Variants in IRAK1BP1 observed in about 807,000 individuals in gnomAD.
IRAK1BP1 encodes the protein interleukin 1 receptor associated kinase 1 binding protein 1.
Under a neutral mutation model 28.0 loss-of-function variants are expected in IRAK1BP1, and 24 were observed. That is an observed-to-expected ratio of 0.86 (90% CI 0.62 to 1.20). IRAK1BP1 has a LOEUF of 1.20. IRAK1BP1 is among the 50% of genes most tolerant of loss of function. The probability of loss-of-function intolerance (pLI) is 0.00; values close to 1 mark genes in which losing one functional copy is unlikely to be tolerated. For synonymous variants in IRAK1BP1, 131 were observed against 116.3 expected (o/e 1.13, Z -0.81); for missense variants, 336 against 316.7 (o/e 1.06, Z -0.46).
intron 4 of IRAK1BP1, among the ~76,000 whole-genome samples, chr6:78,913,140 C>A (rs924110098): frequency 6.7e-6 from 1 of 150,264 alleles, no homozygotes; most frequent in African/African-American, 2.5e-5. Context: ...TCGAGACCAT[C>A]CTGGCTAACA....
intron 2 of IRAK1BP1, among the ~76,000 whole-genome samples, chr6:78,890,345 A>G (rs1395377642): frequency 6.6e-6 from 1 of 151,912 alleles, no homozygotes; most frequent in Non-Finnish European, 1.5e-5. Context: ...GATGCAGCAA[A>G]CCACCAGGGC....
At chr6:78,962,750 T>C in the IRAK1BP1 span, among the ~76,000 whole-genome samples, 1 of 152,178 alleles carries the variant, frequency 6.6e-6, no homozygotes, top group Non-Finnish European at 1.5e-5. Flanking sequence ...GCTACCCATA[T>C]AATTATAACT....
At chr6:78,978,114 T>A in the IRAK1BP1 span, among the ~76,000 whole-genome samples, 2 of 152,066 alleles carry the variant, frequency 1.3e-5, no homozygotes, top group Non-Finnish European at 2.9e-5. Flanking sequence ...CCTCAGTTTC[T>A]TAAAAATTAA....
chr6:78,913,398 C>T (rs1186605145), intron 4 of IRAK1BP1, among the ~76,000 whole-genome samples: 1 of 151,914 alleles, frequency 6.6e-6, no homozygotes, highest in Non-Finnish European at 1.5e-5. Context: ...GTAATCCCAA[C>T]ATTTTGGGAG....
chr6:78,953,042 G>GC, the IRAK1BP1 span, among the ~76,000 whole-genome samples: 3 of 143,874 alleles, frequency 2.1e-5, no homozygotes, highest in Non-Finnish European at 4.6e-5. Context: ...TATAGGTGTT[G>GC]TTTTTTTTTT....
chr6:78,927,348 G>T (rs1256168045), intron 4 of IRAK1BP1, among the ~76,000 whole-genome samples: 1 of 152,052 alleles, frequency 6.6e-6, no homozygotes, highest in Non-Finnish European at 1.5e-5. Flanking sequence ...TATGTCTTCT[G>T]AGAAATGTCT....
Position 78,945,760 on chromosome 6 carries a change from G to A in IRAK1BP1, c.*420G>A, listed in dbSNP as rs10943605. ...AATTGCTAGCTAGTGTGGGTACTGT[G>A]ATTTAAATTCAGGTAGTTTAGATCA... is the stretch of plus-strand genomic sequence containing the variant. On this transcript the variant is annotated 3_prime_UTR_variant and NMD_transcript_variant, in exon 5 of 5. Transcript: ENST00000606868. The A allele has an allele frequency of 0.49, 287,645 of 586,394 alleles. 72,579 individuals are homozygous for A. Among genetic ancestry groups the A allele is most frequent in the East Asian group, 0.67 (22,224 of 33,314 alleles). 36.3% of individuals were successfully genotyped at this position (586,394 alleles called of 1,614,324 possible).
chr6:78,890,271 G>A lies in IRAK1BP1; in HGVS notation c.381+4828G>A, dbSNP rs941720056. On this transcript the variant is annotated intron_variant, in intron 2 of 3. Transcript: ENST00000369940. ...AACATCACATACCAGGGCCTGTCAG[G>A]GGGTGGGGGGCTAGGGGAGGGATAG... Among the ~76,000 whole-genome samples, 9 of 151,850 alleles carry A rather than the reference G, an allele frequency of 5.9e-5. No homozygotes were observed. The East Asian group carries it at 1.8e-3, about 30-fold the overall frequency.
chr6:78,955,041 T>C, the IRAK1BP1 span: 3 of 1,014,592 alleles, frequency 3.0e-6, no homozygotes, highest in African/African-American at 3.3e-5. Flanking sequence ...TAGTCTTAGA[T>C]AATTGGGTAA....
intron 2 of IRAK1BP1, among the ~76,000 whole-genome samples, chr6:78,890,163 C>CTA (rs1771588764): frequency 6.6e-6 from 1 of 151,504 alleles, no homozygotes; most frequent in Non-Finnish European, 1.5e-5. Flanking sequence ...AGCACACTAA[C>CTA]ACAGGAACAG....
At chr6:78,882,091 G>A (rs966393258) in intron 1 of IRAK1BP1, among the ~76,000 whole-genome samples, 2 of 152,100 alleles carry the variant, frequency 1.3e-5, no homozygotes, top group African/African-American at 4.8e-5. Flanking sequence ...CCCAATAGCA[G>A]TGAGCAGTCT....
chr6:78,963,286 G>A, the IRAK1BP1 span: 2 of 1,547,640 alleles, frequency 1.3e-6, no homozygotes, highest in South Asian at 2.4e-5. Context: ...GCAAATACAT[G>A]GTAACTTATT....
At chr6:78,892,673 A>C (rs950404509) in intron 2 of IRAK1BP1, among the ~76,000 whole-genome samples, 1 of 152,188 alleles carries the variant, frequency 6.6e-6, no homozygotes, top group Non-Finnish European at 1.5e-5. Context: ...ATTAAAAGTT[A>C]TTTTGGCTGT....
chr6:78,893,505 A>G (rs900095182), intron 2 of IRAK1BP1, among the ~76,000 whole-genome samples: 2 of 151,992 alleles, frequency 1.3e-5, no homozygotes, highest in African/African-American at 4.8e-5. Context: ...GAATGATGCC[A>G]GAAAGAAATA....
At chr6:78,946,069 G>T (rs1291410366) in exon 5 of IRAK1BP1, 2 of 1,611,868 alleles carry the variant, frequency 1.2e-6, no homozygotes, top group South Asian at 1.1e-5. Context: ...AGAAGTAGAT[G>T]GTTGCTCAGT....
At chr6:78,870,152 A>C (rs138003533) in intron 1 of IRAK1BP1, among the ~76,000 whole-genome samples, 30 of 142,266 alleles carry the variant, frequency 2.1e-4, no homozygotes, top group Admixed American at 2.1e-3. Flanking sequence ...ATGGAGCCTG[A>C]CTATCCTCAT....
chr6:78,958,493 A>T, the IRAK1BP1 span: 12 of 1,539,120 alleles, frequency 7.8e-6, no homozygotes, highest in Non-Finnish European at 9.9e-6. Flanking sequence ...ATGTAGAAGA[A>T]GATCAGTCAC....
intron 2 of IRAK1BP1, among the ~76,000 whole-genome samples, chr6:78,894,732 A>G (rs1430941118): frequency 1.3e-5 from 2 of 152,206 alleles, no homozygotes; most frequent in East Asian, 3.8e-4. Context: ...TGACATATAT[A>G]GAACACTCCA....
At chr6:78,941,943 T>A (rs928447448) in intron 4 of IRAK1BP1, among the ~76,000 whole-genome samples, 2 of 152,128 alleles carry the variant, frequency 1.3e-5, no homozygotes, top group Non-Finnish European at 2.9e-5. Flanking sequence ...GATCTGGAGA[T>A]GATGAATTAC....
Sources: gnomAD v4.1 joint callset for allele counts (sites outside exome capture counted in the v4.1 genomes callset) on GRCh38, gnomAD v4.1.1 for gene constraint, MANE v1.5 for transcripts, NCBI Gene and HGNC (gene_info 2026-07-23, HGNC 2026-07-21) for gene names.